The following LRRC10B variants were observed in gnomAD, a reference collection of about 807,000 sequenced individuals.
The protein encoded by LRRC10B is leucine-rich repeat-containing protein 10B.
For synonymous variants in LRRC10B, 204 were observed against 221.5 expected (o/e 0.92, Z 0.70); for missense variants, 389 against 436.5 (o/e 0.89, Z 0.97).
chr11:61,509,905 C>G lies in LRRC10B; in HGVS notation c.*28C>G. 2 of 1,465,098 alleles carry G rather than the reference C, an allele frequency of 1.4e-6. No individual in the cohort carries two copies. Among genetic ancestry groups the G allele is most frequent in the Non-Finnish European group, 9.0e-7 (1 of 1,112,090 alleles). The allele number at this position is 1,465,098 out of a possible 1,614,324, so 90.8% of individuals were successfully genotyped here. On this transcript the variant is annotated 3_prime_UTR_variant, in exon 1 of 1. Transcript: ENST00000378075. ...CTATGTTCTGGCTGATGGGCTTCAGCCACTCTGAGAGGAGGGGCTCTAGGA... is the reference window on the plus strand; with the variant it reads ...CTATGTTCTGGCTGATGGGCTTCAGGCACTCTGAGAGGAGGGGCTCTAGGA...
Position 61,509,362 on chromosome 11 carries a change from G to A in LRRC10B, c.364G>A (p.Gly122Ser). The A allele has an allele frequency of 6.7e-7, 1 of 1,496,194 alleles. No homozygotes were observed. Among genetic ancestry groups the A allele is most frequent in the Non-Finnish European group, 8.8e-7 (1 of 1,130,844 alleles). The allele number at this position is 1,496,194 out of a possible 1,614,324, so 92.7% of individuals were successfully genotyped here. The change falls in exon 1 of 1, where the codon GGC becomes AGC. Residue 122 changes from glycine (G) to serine (S), a missense_variant. Physicochemically the swap from Gly to Ser is moderately conservative, Grantham distance 56 (BLOSUM62 0). Transcript: ENST00000378075. ...LQSLRCLWIE[G>S]NFLRRFPRPL... ...GAGCCTGCGCTGCCTCTGGATCGAGGGCAACTTCTTGCGGCGCTTCCCGCG... is the reference window on the plus strand; with the variant it reads ...GAGCCTGCGCTGCCTCTGGATCGAGAGCAACTTCTTGCGGCGCTTCCCGCG...
In LRRC10B at chr11:61,509,107, C is replaced by T; in HGVS notation, c.109C>T (p.Pro37Ser). The change falls in exon 1 of 1, where the codon CCC becomes TCC. Residue 37 changes from proline (P) to serine (S), a missense_variant. Coordinates refer to ENST00000378075, the MANE Select transcript of LRRC10B (RefSeq NM_001145077.2). ...ELSGRRLRRL[P>S]SAVCALSRLQ... ...GAGCGGGCGGCGGTTGCGGCGGCTG[C>T]CCAGCGCAGTGTGCGCGCTGAGCCG... is the stretch of plus-strand genomic sequence containing the variant. 1 of 1,518,210 alleles carries T rather than the reference C, an allele frequency of 6.6e-7. No homozygotes were observed. The highest frequency in any genetic ancestry group is 8.8e-7 in the Non-Finnish European group (1 of 1,140,240). 94.0% of individuals were successfully genotyped at this position (1,518,210 alleles called of 1,614,324 possible). A position where few individuals can be genotyped will look rare whatever the true frequency, so the allele number is the denominator to read the frequency against.
Position 61,509,104 on chromosome 11 carries a change from C to A in LRRC10B, c.106C>A (p.Leu36Met). ...LELSGRRLRR[L>M]PSAVCALSRL... ...GCTGAGCGGGCGGCGGTTGCGGCGG[C>A]TGCCCAGCGCAGTGTGCGCGCTGAG... Residue 36 changes from leucine to methionine, a missense_variant, in exon 1 of 1, where the codon CTG becomes ATG. By Grantham distance (15) the Leu-to-Met change is conservative. Coordinates refer to ENST00000378075, the MANE Select transcript of LRRC10B (RefSeq NM_001145077.2). The A allele has an allele frequency of 6.6e-7, 1 of 1,512,008 alleles. No individual in the cohort carries two copies. The highest frequency in any genetic ancestry group is 8.8e-7 in the Non-Finnish European group (1 of 1,137,788). 93.7% of individuals were successfully genotyped at this position (1,512,008 alleles called of 1,614,324 possible).
In LRRC10B at chr11:61,509,695, G is replaced by A. The variant is rs1229923592; in HGVS notation, c.697G>A (p.Ala233Thr). 27 of 1,514,366 alleles carry A rather than the reference G, an allele frequency of 1.8e-5. No homozygotes were observed. Among genetic ancestry groups the A allele is most frequent in the Non-Finnish European group, 2.2e-5 (25 of 1,138,172 alleles). 93.8% of individuals were successfully genotyped at this position (1,514,366 alleles called of 1,614,324 possible). Residue 233 changes from alanine to threonine, a missense_variant, in exon 1 of 1, where the codon GCC becomes ACC. Physicochemically the swap from Ala to Thr is moderately conservative, Grantham distance 58. Transcript: ENST00000378075. ...ADTVFLVGEGAVERMAERDEP... is the reference protein window; with the variant it reads ...ADTVFLVGEGTVERMAERDEP... ...CACCGTGTTCCTCGTGGGCGAGGGCGCCGTCGAGCGCATGGCGGAGCGCGA... is the reference window on the plus strand; with the variant it reads ...CACCGTGTTCCTCGTGGGCGAGGGCACCGTCGAGCGCATGGCGGAGCGCGA...
chr11:61,509,135 T>G lies in LRRC10B; in HGVS notation c.137T>G (p.Leu46Arg), dbSNP rs1178715524. The G allele has an allele frequency of 6.6e-7, 1 of 1,525,312 alleles. No individual in the cohort carries two copies. The highest frequency in any genetic ancestry group is 8.7e-7 in the Non-Finnish European group (1 of 1,143,172). 94.5% of individuals were successfully genotyped at this position (1,525,312 alleles called of 1,614,324 possible). A position where few individuals can be genotyped will look rare whatever the true frequency, so the allele number is the denominator to read the frequency against. Residue 46 changes from leucine to arginine, a missense_variant, in exon 1 of 1, where the codon CTG becomes CGG. Leu to Arg is a moderately radical substitution (Grantham distance 102). Coordinates refer to ENST00000378075, the MANE Select transcript of LRRC10B (RefSeq NM_001145077.2). ...LPSAVCALSR[L>R]QKLYVSGTGL... ...AGCGCAGTGTGCGCGCTGAGCCGCCTGCAGAAGCTGTATGTGAGCGGCACG... is the reference window on the plus strand; with the variant it reads ...AGCGCAGTGTGCGCGCTGAGCCGCCGGCAGAAGCTGTATGTGAGCGGCACG...
In LRRC10B at chr11:61,509,619, C is replaced by T; in HGVS notation, c.621C>T (p.Arg207=). The T allele has an allele frequency of 6.6e-7, 1 of 1,523,348 alleles. No homozygotes were observed. The allele number at this position is 1,523,348 out of a possible 1,614,324, so 94.4% of individuals were successfully genotyped here. Residue 207 remains arginine (R), a synonymous_variant, in exon 1 of 1, where the codon CGC becomes CGT. Coordinates refer to ENST00000378075, the MANE Select transcript of LRRC10B (RefSeq NM_001145077.2). ...ACCTGCACCCGCTGCGCGCGCTGCG[C>T]GTCTTCTCCTACGACCACAACCCCG... ...FPDLHPLRAL[R]VFSYDHNPVT...
Position 61,509,266 on chromosome 11 carries a change from C to T in LRRC10B, c.268C>T (p.Pro90Ser). ...ACTGCCTGACGGCCTGTGCCGCCTGCCGCGCCTCACGCGCCTCTATCTGGG... is the reference window on the plus strand; with the variant it reads ...ACTGCCTGACGGCCTGTGCCGCCTGTCGCGCCTCACGCGCCTCTATCTGGG... ...ERLPDGLCRLPRLTRLYLGGN... is the reference protein window; with the variant it reads ...ERLPDGLCRLSRLTRLYLGGN... The change falls in exon 1 of 1, where the codon CCG (proline) becomes TCG (serine). Residue 90 changes from proline to serine, a missense_variant. Transcript: ENST00000378075. The T allele has an allele frequency of 1.3e-6, 2 of 1,519,862 alleles. No individual in the cohort carries two copies. The highest frequency in any genetic ancestry group is 1.8e-6 in the Non-Finnish European group (2 of 1,139,748). The allele number at this position is 1,519,862 out of a possible 1,614,324, so 94.1% of individuals were successfully genotyped here.
In LRRC10B at chr11:61,508,909, T is replaced by C; in HGVS notation, c.-90T>C. 1 of 994,720 alleles carries C rather than the reference T, an allele frequency of 1.0e-6. No homozygotes were observed. Among genetic ancestry groups the C allele is most frequent in the East Asian group, 7.2e-5 (1 of 13,926 alleles). The allele number at this position is 994,720 out of a possible 1,614,324, so 61.6% of individuals were successfully genotyped here. On this transcript the variant is annotated 5_prime_UTR_variant, in exon 1 of 1. Transcript: ENST00000378075. Reference sequence around the variant, plus strand: ...CGGGGGGCCCGGGGGCCGGCGCGGCTCCGGCACCGTCGGGGCGGCTGGGGG... The same window carrying C: ...CGGGGGGCCCGGGGGCCGGCGCGGCCCCGGCACCGTCGGGGCGGCTGGGGG...
rs2062071748 is a variant in LRRC10B, at chr11:61,509,123, C to A, written c.125C>A (p.Ala42Glu). Residue 42 changes from alanine (A) to glutamate (E), a missense_variant, in exon 1 of 1, where the codon GCG becomes GAG. By Grantham distance (107) the Ala-to-Glu change is moderately radical. Transcript: ENST00000378075. Reference protein sequence around the residue: ...RLRRLPSAVCALSRLQKLYVS... With the variant: ...RLRRLPSAVCELSRLQKLYVS... ...CGGCGGCTGCCCAGCGCAGTGTGCGCGCTGAGCCGCCTGCAGAAGCTGTAT... is the reference window on the plus strand; with the variant it reads ...CGGCGGCTGCCCAGCGCAGTGTGCGAGCTGAGCCGCCTGCAGAAGCTGTAT... The A allele has an allele frequency of 6.6e-7, 1 of 1,523,452 alleles. No individual in the cohort carries two copies. Among genetic ancestry groups the A allele is most frequent in the Admixed American group, 2.0e-5 (1 of 50,064 alleles). 94.4% of individuals were successfully genotyped at this position (1,523,452 alleles called of 1,614,324 possible).
chr11:61,508,975 C>CG lies in LRRC10B; in HGVS notation c.-22dup, dbSNP rs2062070798. 7.7e-7 allele frequency: 1 copy of CG among 1,290,586 alleles called. No homozygotes were observed. The highest frequency in any genetic ancestry group is 9.8e-7 in the Non-Finnish European group (1 of 1,021,136). 79.9% of individuals were successfully genotyped at this position (1,290,586 alleles called of 1,614,324 possible). A position where few individuals can be genotyped will look rare whatever the true frequency, so the allele number is the denominator to read the frequency against. On this transcript the variant is annotated 5_prime_UTR_variant, in exon 1 of 1. The change abolishes the stop of an existing upstream ORF in the 5' untranslated region. Coordinates refer to ENST00000378075, the MANE Select transcript of LRRC10B (RefSeq NM_001145077.2). ...CGATGCCTGGCGGTGGCAGTGGCGG[C>CG]GGCCCCGGCCGGGGCCCGTGACCAT... is the stretch of plus-strand genomic sequence containing the variant.
In LRRC10B at chr11:61,510,017, C is replaced by A; in HGVS notation, c.*140C>A. ...CTTTTGGCGAGTTGCCGGGCACAGG[C>A]AGGGCTGGGGCTCATCTTCAGACAC... On this transcript the variant is annotated 3_prime_UTR_variant, in exon 1 of 1. Transcript: ENST00000378075. 1 of 863,680 alleles carries A rather than the reference C, an allele frequency of 1.2e-6. No homozygotes were observed. Among genetic ancestry groups the A allele is most frequent in the Non-Finnish European group, 1.7e-6 (1 of 588,348 alleles). 53.5% of individuals were successfully genotyped at this position (863,680 alleles called of 1,614,324 possible). A position where few individuals can be genotyped will look rare whatever the true frequency, so the allele number is the denominator to read the frequency against.
Position 61,509,160 on chromosome 11 carries a change from G to C in LRRC10B, c.162G>C (p.Thr54=), listed in dbSNP as rs979302857. The C allele has an allele frequency of 1.3e-6, 2 of 1,529,808 alleles. No individual in the cohort carries two copies. Among genetic ancestry groups the C allele is most frequent in the Admixed American group, 2.0e-5 (1 of 50,520 alleles). 94.8% of individuals were successfully genotyped at this position (1,529,808 alleles called of 1,614,324 possible). Reference sequence around the variant, plus strand: ...TGCAGAAGCTGTATGTGAGCGGCACGGGGCTGCGCGAGCTGCCGGAGGAGA... The same window carrying C: ...TGCAGAAGCTGTATGTGAGCGGCACCGGGCTGCGCGAGCTGCCGGAGGAGA... ...SRLQKLYVSG[T]GLRELPEEIE... is the part of the protein sequence containing the mutation. Residue 54 remains threonine (T), a synonymous_variant, in exon 1 of 1, where the codon ACG becomes ACC. Coordinates refer to ENST00000378075, the MANE Select transcript of LRRC10B (RefSeq NM_001145077.2).
chr11:61,509,567 AC>A lies in LRRC10B; in HGVS notation c.571del (p.Arg191AlafsTer76). On this transcript the variant is annotated frameshift_variant, in exon 1 of 1. Coordinates refer to ENST00000378075, the MANE Select transcript of LRRC10B (RefSeq NM_001145077.2). LOFTEE classifies it high-confidence loss of function. ...GGCCGCCTGCACATCCTCGACCTCG[AC>A]CGCAACCGCCTGGGCGGCTTCCCCG... ...RMGRLHILDL[D>X]RNRLGGFPDL... The A allele has an allele frequency of 6.6e-7, 1 of 1,519,704 alleles. No individual in the cohort carries two copies. Among genetic ancestry groups the A allele is most frequent in the Non-Finnish European group, 8.8e-7 (1 of 1,140,588 alleles). The allele number at this position is 1,519,704 out of a possible 1,614,324, so 94.1% of individuals were successfully genotyped here. A position where few individuals can be genotyped will look rare whatever the true frequency, so the allele number is the denominator to read the frequency against.
In LRRC10B at chr11:61,508,852, G is replaced by A. The variant is rs948965957; in HGVS notation, c.-147G>A. 5.9e-5 allele frequency: 30 copies of A among 509,050 alleles called. No individual in the cohort carries two copies. Among genetic ancestry groups the A allele is most frequent in the African/African-American group, 5.8e-4 (28 of 47,872 alleles). The allele number at this position is 509,050 out of a possible 1,614,324, so 31.5% of individuals were successfully genotyped here. On this transcript the variant is annotated 5_prime_UTR_variant, in exon 1 of 1. Coordinates refer to ENST00000378075, the MANE Select transcript of LRRC10B (RefSeq NM_001145077.2). ...TGGGTGCCTCCTCCCGGCCCCGCAC[G>A]GCCCCCCTCCCGGCGCGGGGGAAGG...
chr11:61,510,007 C>G lies in LRRC10B; in HGVS notation c.*130C>G. ...GGAACGGCTACTTTTGGCGAGTTGCCGGGCACAGGCAGGGCTGGGGCTCAT... is the reference window on the plus strand; with the variant it reads ...GGAACGGCTACTTTTGGCGAGTTGCGGGGCACAGGCAGGGCTGGGGCTCAT... On this transcript the variant is annotated 3_prime_UTR_variant, in exon 1 of 1. Transcript: ENST00000378075. The G allele has an allele frequency of 1.0e-6, 1 of 959,278 alleles. No homozygotes were observed. Among genetic ancestry groups the G allele is most frequent in the Non-Finnish European group, 1.5e-6 (1 of 676,018 alleles). The allele number at this position is 959,278 out of a possible 1,614,324, so 59.4% of individuals were successfully genotyped here. A position where few individuals can be genotyped will look rare whatever the true frequency, so the allele number is the denominator to read the frequency against.
chr11:61,509,987 G>T lies in LRRC10B; in HGVS notation c.*110G>T, dbSNP rs768263190. ...GGGTCCCTACTTAGGTCAATGGAAC[G>T]GCTACTTTTGGCGAGTTGCCGGGCA... On this transcript the variant is annotated 3_prime_UTR_variant, in exon 1 of 1. Coordinates refer to ENST00000378075, the MANE Select transcript of LRRC10B (RefSeq NM_001145077.2). 8 of 1,168,264 alleles carry T rather than the reference G, an allele frequency of 6.8e-6. No individual in the cohort carries two copies. Among genetic ancestry groups the T allele is most frequent in the Non-Finnish European group, 9.2e-6 (8 of 866,274 alleles). The allele number at this position is 1,168,264 out of a possible 1,614,324, so 72.4% of individuals were successfully genotyped here. A position where few individuals can be genotyped will look rare whatever the true frequency, so the allele number is the denominator to read the frequency against.
In LRRC10B at chr11:61,509,762, C is replaced by A. The variant is rs769724722; in HGVS notation, c.764C>A (p.Ala255Asp). The change falls in exon 1 of 1, where the codon GCC (alanine) becomes GAC (aspartate). Residue 255 changes from alanine (A) to aspartate (D), a missense_variant. By Grantham distance (126) the Ala-to-Asp change is moderately radical. Coordinates refer to ENST00000378075, the MANE Select transcript of LRRC10B (RefSeq NM_001145077.2). ...CCTCCGCCCCGGCGCCCAGCGCGGG[C>A]CTTTGAGGATGAGGAGGAGGAAGAC... Reference protein sequence around the residue: ...PRPPPRRPARAFEDEEEEDLL... With the variant: ...PRPPPRRPARDFEDEEEEDLL... 219 of 1,526,464 alleles carry A rather than the reference C, an allele frequency of 1.4e-4. No homozygotes were observed. Among genetic ancestry groups the A allele is most frequent in the Non-Finnish European group, 1.9e-4 (213 of 1,142,770 alleles). The allele number at this position is 1,526,464 out of a possible 1,614,324, so 94.6% of individuals were successfully genotyped here. A position where few individuals can be genotyped will look rare whatever the true frequency, so the allele number is the denominator to read the frequency against.
Position 61,510,016 on chromosome 11 carries a change from G to A in LRRC10B, c.*139G>A. 1 of 864,656 alleles carries A rather than the reference G, an allele frequency of 1.2e-6. No homozygotes were observed. The highest frequency in any genetic ancestry group is 3.1e-5 in the East Asian group (1 of 31,980). The allele number at this position is 864,656 out of a possible 1,614,324, so 53.6% of individuals were successfully genotyped here. On this transcript the variant is annotated 3_prime_UTR_variant, in exon 1 of 1. Transcript: ENST00000378075. ...ACTTTTGGCGAGTTGCCGGGCACAG[G>A]CAGGGCTGGGGCTCATCTTCAGACA...
In LRRC10B at chr11:61,510,735, CTCCTT is replaced by C. The variant is rs891852798; in HGVS notation, c.*862_*866del. Reference sequence around the variant, plus strand: ...CAGCGCCTCTCCCACGGCCTGCACTCTCCTTTCCCTTAAATGGGCACAGCCAGGGT... The same window carrying C: ...CAGCGCCTCTCCCACGGCCTGCACTCTCCCTTAAATGGGCACAGCCAGGGT... On this transcript the variant is annotated 3_prime_UTR_variant, in exon 1 of 1. Coordinates refer to ENST00000378075, the MANE Select transcript of LRRC10B (RefSeq NM_001145077.2). The C allele has an allele frequency of 6.0e-6, 1 of 167,260 alleles. No individual in the cohort carries two copies. Among genetic ancestry groups the C allele is most frequent in the Non-Finnish European group, 1.5e-5 (1 of 68,298 alleles). The allele number at this position is 167,260 out of a possible 1,614,324, so 10.4% of individuals were successfully genotyped here.
Sources: allele counts gnomAD v4.1 joint callset, GRCh38; gene constraint gnomAD v4.1.1; transcripts MANE v1.5; gene names NCBI Gene and HGNC (gene_info 2026-07-23, HGNC 2026-07-21).